The following AZIN2 variants were observed in gnomAD, a reference collection of about 807,000 sequenced individuals.
AZIN2 encodes the protein antizyme inhibitor 2, also known as ODC antizyme inhibitor-2.
In AZIN2, 28 loss-of-function variants were observed where a neutral mutation model predicts 47.8. The ratio of observed to expected loss-of-function variants is 0.59; its 90% CI spans 0.43 to 0.80. The LOEUF (loss-of-function observed/expected upper bound fraction) is 0.80. Ranked by LOEUF, AZIN2 falls within the 30% of genes least tolerant of loss-of-function variation. The pLI is 0.00. For missense variants in AZIN2, 535 were observed against 582.5 expected, an observed-to-expected ratio of 0.92 and a Z score of 0.84; for synonymous variants, 221 against 239.4, an observed-to-expected ratio of 0.92 and a Z score of 0.71.
chr1:33,147,313 T>A, the AZIN2 span: 1 of 1,614,176 alleles, frequency 6.2e-7, no homozygotes, highest in Non-Finnish European at 8.5e-7. This position sits in a 1 kb window ranked among gnomAD's most constrained non-coding sequence, Gnocchi z 8.1. Flanking sequence ...GTCATCAGCA[T>A]TGTAGAAGAT....
chr1:33,160,711 T>C, the AZIN2 span, among the ~76,000 whole-genome samples: 1 of 152,160 alleles, frequency 6.6e-6, no homozygotes, highest in Non-Finnish European at 1.5e-5. Context: ...GGCTGAAGTC[T>C]TTATTTTAAA....
At chr1:33,152,498 C>T in the AZIN2 span, among the ~76,000 whole-genome samples, 2 of 145,030 alleles carry the variant, frequency 1.4e-5, no homozygotes, top group East Asian at 2.2e-4. Context: ...ATCTGGGAGG[C>T]GGAGGTTGTG....
chr1:33,149,315 G>C, the AZIN2 span, among the ~76,000 whole-genome samples: 2 of 152,118 alleles, frequency 1.3e-5, no homozygotes, highest in African/African-American at 2.4e-5. Context: ...ACCACGCCTG[G>C]CTAATTTTTT....
At chr1:33,114,159 T>A (rs1166508110) in intron 10 of AZIN2, among the ~76,000 whole-genome samples, 2 of 151,884 alleles carry the variant, frequency 1.3e-5, no homozygotes, top group African/African-American at 4.8e-5. Flanking sequence ...TCCTGCTCTG[T>A]CACCCAGGCT....
At chr1:33,154,360 C>G in the AZIN2 span, among the ~76,000 whole-genome samples, 1 of 152,224 alleles carries the variant, frequency 6.6e-6, no homozygotes, top group African/African-American at 2.4e-5. Flanking sequence ...ATGTCTGTCA[C>G]AGCTCGGAGA....
At chr1:33,097,040 T>A in intron 9 of AZIN2, 171 bp downstream of exon 9, 4 of 717,402 alleles carry the variant, frequency 5.6e-6, no homozygotes, top group Non-Finnish European at 9.0e-6. Flanking sequence ...CCAAGACATT[T>A]ATTTAGCATC....
At chr1:33,126,694 G>A (rs1644858680), downstream of AZIN2, among the ~76,000 whole-genome samples, 1 of 152,012 alleles carries the variant, frequency 6.6e-6, no homozygotes, top group Non-Finnish European at 1.5e-5. Context: ...TGAGCCCCAG[G>A]CAGGGAGGCA....
At chr1:33,160,043 A>C in the AZIN2 span, 5 of 1,470,654 alleles carry the variant, frequency 3.4e-6, no homozygotes. Flanking sequence ...CAGAGAGGAA[A>C]GGGTGGGAAA....
the AZIN2 span, among the ~76,000 whole-genome samples, chr1:33,157,951 T>A: frequency 2.6e-5 from 4 of 152,084 alleles, no homozygotes; most frequent in Non-Finnish European, 5.9e-5. Flanking sequence ...GAGACAGGGT[T>A]TCACCATGTT....
chr1:33,109,448 C>T (rs1369363582), intron 10 of AZIN2, among the ~76,000 whole-genome samples: 2 of 151,952 alleles, frequency 1.3e-5, no homozygotes, highest in East Asian at 3.9e-4. Flanking sequence ...CCTGCCGCAG[C>T]CTCTTGAATG....
At chr1:33,147,788 A>G in the AZIN2 span, 3 of 1,551,418 alleles carry the variant, frequency 1.9e-6, no homozygotes, top group South Asian at 1.2e-5. This position sits in a 1 kb window ranked among gnomAD's most constrained non-coding sequence, Gnocchi z 8.1. Context: ...CCCACCATGC[A>G]GTGCCTTCCT....
At chr1:33,094,374 T>C (rs867273373) in intron 7 of AZIN2, among the ~76,000 whole-genome samples, 174 bp from the exon 8 acceptor site, 2 of 152,140 alleles carry the variant, frequency 1.3e-5, no homozygotes, top group African/African-American at 4.8e-5. Context: ...CCTGTCCACT[T>C]CTCCCTTGCC....
At chr1:33,136,478 C>T in the AZIN2 span, among the ~76,000 whole-genome samples, 24 of 151,968 alleles carry the variant, frequency 1.6e-4, no homozygotes, top group Admixed American at 1.0e-3. Flanking sequence ...AAGCAATTCT[C>T]ATGCCTCAGC....
chr1:33,145,158 C>G, the AZIN2 span, among the ~76,000 whole-genome samples: 28,710 of 152,210 alleles, frequency 0.19, 3,154 homozygotes, highest in South Asian at 0.29. Flanking sequence ...TAAAGACTGA[C>G]AGCCTTCCCT....
At chr1:33,148,126 AG>A in the AZIN2 span, among the ~76,000 whole-genome samples, 7 of 152,150 alleles carry the variant, frequency 4.6e-5, no homozygotes, top group South Asian at 1.4e-3. Context: ...GAAATTGGTG[AG>A]TGTGTTCAGG....
chr1:33,165,423 C>T, the AZIN2 span: 1 of 1,514,252 alleles, frequency 6.6e-7, no homozygotes, highest in Non-Finnish European at 8.9e-7. This position sits in a 1 kb window ranked among gnomAD's most constrained non-coding sequence, Gnocchi z 4.0. Context: ...CCTCGAAGCC[C>T]TGCCCTCATC....
intron 6 of AZIN2, 53 bp downstream of exon 6, chr1:33,092,275 G>C: frequency 1.3e-6 from 2 of 1,572,580 alleles, no homozygotes; most frequent in Non-Finnish European, 1.7e-6. Context: ...CCTGGGCTGT[G>C]GGGAGCCTGG....
chr1:33,090,786 G>C (rs1642453447), intron 5 of AZIN2, among the ~76,000 whole-genome samples: 1 of 152,086 alleles, frequency 6.6e-6, no homozygotes, highest in South Asian at 2.1e-4. Flanking sequence ...ATGTACATTA[G>C]ATCTCTTGAA....
chr1:33,087,620 T>C lies in AZIN2; in HGVS notation c.279+3493T>C, dbSNP rs150181781. Among the ~76,000 whole-genome samples the C allele has an allele frequency of 4.6e-3, 706 of 151,870 alleles. 1 individual carries two copies. Among genetic ancestry groups the C allele is most frequent in the Non-Finnish European group, 5.3e-3 (359 of 67,978 alleles). On this transcript the variant is annotated intron_variant, in intron 5 of 11. Coordinates refer to ENST00000294517, the MANE Select transcript of AZIN2 (RefSeq NM_052998.4). ...CCCGGCTAATTTTTTGTTTCTTTAGTAGAGACAGGGTTTTACCATGTTGGC... is the reference window on the plus strand; with the variant it reads ...CCCGGCTAATTTTTTGTTTCTTTAGCAGAGACAGGGTTTTACCATGTTGGC...
Sources: gnomAD v4.1 joint callset for allele counts (sites outside exome capture counted in the v4.1 genomes callset) on GRCh38, gnomAD v4.1.1 for gene constraint, Gnocchi (gnomAD v3.1) non-coding constraint, MANE v1.5 for transcripts, NCBI Gene and HGNC (gene_info 2026-07-23, HGNC 2026-07-21) for gene names.